The following SIRT6 variants were observed in gnomAD, a reference collection of about 807,000 sequenced individuals.
SIRT6 encodes sirtuin 6, also known as NAD-dependent protein deacylase sirtuin-6.
SIRT6 carries 21 observed loss-of-function variants against 33.6 expected under a neutral mutation model. That is an observed-to-expected ratio of 0.62 (90% CI 0.44 to 0.90). The LOEUF (loss-of-function observed/expected upper bound fraction) is 0.90. SIRT6 is among the 40% of genes least tolerant of loss of function. The probability of loss-of-function intolerance (pLI) is 0.00; values close to 1 mark genes in which losing one functional copy is unlikely to be tolerated. For synonymous variants in SIRT6, 221 were observed against 223.9 expected (o/e 0.99, Z 0.12); for missense variants, 504 against 510.6 (o/e 0.99, Z 0.12).
chr19:4,174,334 C>T lies in SIRT6; in HGVS notation c.*283G>A. The T allele has an allele frequency of 3.2e-6, 1 of 314,744 alleles. No individual in the cohort carries two copies. Among genetic ancestry groups the T allele is most frequent in the Non-Finnish European group, 5.8e-6 (1 of 173,398 alleles). 19.5% of individuals were successfully genotyped at this position (314,744 alleles called of 1,614,324 possible). ...GTTCACTCCTGTTTAAGCTGGAGAC[C>T]AGGGAGGGCCCAGCCTCACCTCTGG... On this transcript the variant is annotated 3_prime_UTR_variant, in exon 8 of 8. Coordinates refer to ENST00000337491, the MANE Select transcript of SIRT6 (RefSeq NM_016539.4). The surrounding 1 kb of genome is among the most constrained non-coding windows in gnomAD (Gnocchi z 4.2).
At chr19:4,175,995 G>A (rs1222474422) in intron 4 of SIRT6, 58 bp from the exon 5 acceptor site, 7 of 1,465,756 alleles carry the variant, frequency 4.8e-6, no homozygotes, top group South Asian at 2.4e-5. Context: ...GGTGACTCTC[G>A]CACTGTTTCT....
At chr19:4,178,712 G>A (rs1316640989) in intron 3 of SIRT6, among the ~76,000 whole-genome samples, 1 of 152,132 alleles carries the variant, frequency 6.6e-6, no homozygotes, top group African/African-American at 2.4e-5. Flanking sequence ...AGCTGGGTGT[G>A]ATGGCGCATG....
At chr19:4,181,347 C>T (rs1315267992) in intron 1 of SIRT6, among the ~76,000 whole-genome samples, 1 of 152,214 alleles carries the variant, frequency 6.6e-6, no homozygotes, top group African/African-American at 2.4e-5. Flanking sequence ...GTGATGCCTC[C>T]CTTGGCCAAC....
intron 1 of SIRT6, among the ~76,000 whole-genome samples, chr19:4,181,609 A>G (rs1216542569): frequency 6.6e-6 from 1 of 152,168 alleles, no homozygotes; most frequent in Non-Finnish European, 1.5e-5. Flanking sequence ...CAACATGGTG[A>G]AACCCCGCCT....
At position 4,175,704 on chromosome 19, in the gene SIRT6, A is replaced by G. The variant is rs200397984; in HGVS notation, c.590T>C (p.Leu197Pro). 2.0e-5 allele frequency: 31 copies of G among 1,581,628 alleles called. No individual in the cohort carries two copies. Among genetic ancestry groups the G allele is most frequent in the Non-Finnish European group, 2.6e-5 (30 of 1,163,828 alleles). Reference sequence around the variant, plus strand: ...CCTGCTGGCCTCATCGGCGAGTGCCAGGTCCCGGTCGGGCAGGGAGTCCTC... The same window carrying G: ...CCTGCTGGCCTCATCGGCGAGTGCCGGGTCCCGGTCGGGCAGGGAGTCCTC... ...DWEDSLPDRD[L>P]ALADEASRNA... The change falls in exon 6 of 8, where the codon CTG (leucine) becomes CCG (proline). Residue 197 changes from leucine (L) to proline (P), a missense_variant. Transcript: ENST00000337491.
At position 4,174,806 on chromosome 19, in the gene SIRT6, G is replaced by A; in HGVS notation, c.879C>T (p.Pro293=). Residue 293 remains proline, a synonymous_variant, in exon 8 of 8, where the codon CCC becomes CCT. Transcript: ENST00000337491. The surrounding 1 kb of genome is among the most constrained non-coding windows in gnomAD (Gnocchi z 4.2). ...ERALPPLPRP[P]TPKLEPKEES... ...CCTCCTTGGGCTCCAGCTTGGGGGT[G>A]GGCGGGCGGGGCAGGGGTGGCAGCG... is the stretch of plus-strand genomic sequence containing the variant. The A allele has an allele frequency of 2.3e-6, 1 of 435,490 alleles. No individual in the cohort carries two copies. The highest frequency in any genetic ancestry group is 7.6e-5 in the East Asian group (1 of 13,208). 27.0% of individuals were successfully genotyped at this position (435,490 alleles called of 1,614,324 possible).
Position 4,179,119 on chromosome 19 carries a change from C to T in SIRT6, c.362G>A (p.Arg121His), listed in dbSNP as rs771714154. The T allele has an allele frequency of 8.7e-6, 14 of 1,611,942 alleles. No individual in the cohort carries two copies. The highest frequency in any genetic ancestry group is 5.3e-5 in the African/African-American group (4 of 74,916). The change falls in exon 3 of 8, where the codon CGC (arginine) becomes CAC (histidine). Residue 121 changes from arginine to histidine, a missense_variant. Physicochemically the swap from Arg to His is conservative, Grantham distance 29 (BLOSUM62 0). Coordinates refer to ENST00000337491, the MANE Select transcript of SIRT6 (RefSeq NM_016539.4). ...VSQNVDGLHV[R>H]SGFPRDKLAE... ...AGGGTGTTACCTGGGGAAGCCTGAG[C>T]GCACATGGAGCCCGTCCACGTTCTG...
In SIRT6 at chr19:4,174,957, G is replaced by A. The variant is rs773648872; in HGVS notation, c.739-11C>T. On this transcript the variant is annotated splice_polypyrimidine_tract_variant and intron_variant, in intron 7 of 7. Transcript: ENST00000337491. This position sits in a 1 kb window ranked among gnomAD's most constrained non-coding sequence, Gnocchi z 4.2. ...GTCAGCATGGCGGTCCTGCCGAGGG[G>A]CGGGACGGGTCAGGCGTGGGGGACA... The A allele has an allele frequency of 2.5e-6, 4 of 1,609,700 alleles. No individual in the cohort carries two copies. The highest frequency in any genetic ancestry group is 1.3e-5 in the African/African-American group (1 of 75,002).
chr19:4,178,873 C>T (rs984081665), intron 3 of SIRT6, among the ~76,000 whole-genome samples: 2 of 152,178 alleles, frequency 1.3e-5, no homozygotes, highest in African/African-American at 4.8e-5. Flanking sequence ...CAAACTGCAA[C>T]TTCTAGACCC....
rs1215550033 is a variant in SIRT6 at position 4,174,317 on chromosome 19, C to A, written c.*300G>T. Reference sequence around the variant, plus strand: ...CCCTGGGGACAGAGGGAGTTCACTCCTGTTTAAGCTGGAGACCAGGGAGGG... The same window carrying A: ...CCCTGGGGACAGAGGGAGTTCACTCATGTTTAAGCTGGAGACCAGGGAGGG... On this transcript the variant is annotated 3_prime_UTR_variant, in exon 8 of 8. Transcript: ENST00000337491. The surrounding 1 kb of genome is among the most constrained non-coding windows in gnomAD (Gnocchi z 4.2). 3 of 272,810 alleles carry A rather than the reference C, an allele frequency of 1.1e-5. No homozygotes were observed. Among genetic ancestry groups the A allele is most frequent in the Admixed American group, 1.0e-4 (2 of 19,662 alleles). The allele number at this position is 272,810 out of a possible 1,614,324, so 16.9% of individuals were successfully genotyped here.
chr19:4,176,274 C>T (rs1207160923), intron 4 of SIRT6, among the ~76,000 whole-genome samples: 3 of 152,178 alleles, frequency 2.0e-5, no homozygotes, highest in Non-Finnish European at 4.4e-5. Flanking sequence ...AAGGCGATGT[C>T]CACTTTACTT....
chr19:4,175,511 G>A (rs1400497144), intron 6 of SIRT6, 169 bp downstream of exon 6: 11 of 654,814 alleles, frequency 1.7e-5, no homozygotes, highest in African/African-American at 3.6e-5. Flanking sequence ...ATGAGGTGAC[G>A]AGTGTGTGTG....
rs1967187301 is a variant in SIRT6, at chr19:4,174,833, C to T, written c.852G>A (p.Arg284=). ...GCGGGCGGGGCAGGGGTGGCAGCGC[C>T]CTCTCCAGCACACGGGGGCCGTCCC... The part of the protein sequence containing the change: ...PAWDGPRVLE[R]ALPPLPRPPT... The change falls in exon 8 of 8, where the codon AGG becomes AGA. Residue 284 remains arginine, a synonymous_variant. Coordinates refer to ENST00000337491, the MANE Select transcript of SIRT6 (RefSeq NM_016539.4). The surrounding 1 kb of genome is among the most constrained non-coding windows in gnomAD (Gnocchi z 4.2). 7 of 1,582,746 alleles carry T rather than the reference C, an allele frequency of 4.4e-6. No individual in the cohort carries two copies. The highest frequency in any genetic ancestry group is 6.0e-6 in the Non-Finnish European group (7 of 1,171,164).
chr19:4,181,163 T>A (rs1331223028), intron 1 of SIRT6, among the ~76,000 whole-genome samples: 2 of 151,922 alleles, frequency 1.3e-5, no homozygotes, highest in African/African-American at 4.8e-5. Flanking sequence ...CCTCTTCTCC[T>A]CCCTCTCCCT....
In SIRT6 at chr19:4,174,945, T is replaced by C. The variant is rs1397744469; in HGVS notation, c.740A>G (p.Asp247Gly). 1 of 1,609,000 alleles carries C rather than the reference T, an allele frequency of 6.2e-7. No homozygotes were observed. The highest frequency in any genetic ancestry group is 8.5e-7 in the Non-Finnish European group (1 of 1,179,534). ...ATGGATGCGGAGGTCAGCATGGCGG[T>C]CCTGCCGAGGGGCGGGACGGGTCAG... The part of the protein sequence containing the change: ...VIVNLQPTKH[D>G]RHADLRIHGY... Residue 247 changes from aspartate (D) to glycine (G), a missense_variant and splice_region_variant, in exon 8 of 8, where the codon GAC becomes GGC. By Grantham distance (94) the Asp-to-Gly change is moderately conservative. Coordinates refer to ENST00000337491, the MANE Select transcript of SIRT6 (RefSeq NM_016539.4). This position sits in a 1 kb window ranked among gnomAD's most constrained non-coding sequence, Gnocchi z 4.2.
At chr19:4,180,288 G>T (rs1285110546) in intron 2 of SIRT6, among the ~76,000 whole-genome samples, 1 of 151,730 alleles carries the variant, frequency 6.6e-6, no homozygotes, top group African/African-American at 2.4e-5. Flanking sequence ...AAATATGAAA[G>T]ACTACATTTC....
chr19:4,180,271 C>T (rs147928116), intron 2 of SIRT6, among the ~76,000 whole-genome samples: 24 of 151,896 alleles, frequency 1.6e-4, no homozygotes, highest in East Asian at 1.4e-3. Context: ...CACCTGGCTA[C>T]GCTTGCAAAT....
At position 4,177,102 on chromosome 19, in the gene SIRT6, C is replaced by T. The variant is rs982301087; in HGVS notation, c.414G>A (p.Val138=). 1 of 1,614,070 alleles carries T rather than the reference C, an allele frequency of 6.2e-7. No homozygotes were observed. Among genetic ancestry groups the T allele is most frequent in the Non-Finnish European group, 8.5e-7 (1 of 1,180,002 alleles). The change falls in exon 4 of 8, where the codon GTG becomes GTA. Residue 138 remains valine (V), a synonymous_variant. Transcript: ENST00000337491. ...ACGTCTTACACTTGGCACATTCTTCCACAAACATGTTCCCGTGGAGCTCTG... is the reference window on the plus strand; with the variant it reads ...ACGTCTTACACTTGGCACATTCTTCTACAAACATGTTCCCGTGGAGCTCTG... ...KLAELHGNMF[V]EECAKCKTQY...
chr19:4,174,534 A>G lies in SIRT6; in HGVS notation c.*83T>C, dbSNP rs1967161033. 1.6e-6 allele frequency: 2 copies of G among 1,272,530 alleles called. No homozygotes were observed. Among genetic ancestry groups the G allele is most frequent in the African/African-American group, 1.5e-5 (1 of 64,800 alleles). 78.8% of individuals were successfully genotyped at this position (1,272,530 alleles called of 1,614,324 possible). A position where few individuals can be genotyped will look rare whatever the true frequency, so the allele number is the denominator to read the frequency against. On this transcript the variant is annotated 3_prime_UTR_variant, in exon 8 of 8. Transcript: ENST00000337491. The surrounding 1 kb of genome is among the most constrained non-coding windows in gnomAD (Gnocchi z 4.2). ...TCAGAGCCCTGAGGCTCCCGGGGAC[A>G]GAAACAAGTAACAAAGTGAGACCAC...
Sources: allele counts gnomAD v4.1 joint callset (sites outside exome capture counted in the v4.1 genomes callset), GRCh38; gene constraint gnomAD v4.1.1; non-coding constraint Gnocchi (gnomAD v3.1); transcripts MANE v1.5; gene names NCBI Gene and HGNC (gene_info 2026-07-23, HGNC 2026-07-21).